The following PTPRN2 variants were observed in gnomAD, a reference collection of about 807,000 sequenced individuals.
PTPRN2 encodes the protein protein tyrosine phosphatase receptor type N2, also known as receptor-type tyrosine-protein phosphatase N2.
In PTPRN2, 74 loss-of-function variants were observed where a neutral mutation model predicts 118.8. The observed-to-expected ratio is 0.62, with a 90% CI of 0.52 to 0.76. The LOEUF (loss-of-function observed/expected upper bound fraction) is 0.76. PTPRN2 is among the 30% of genes least tolerant of loss of function. The pLI is 0.00. For synonymous variants in PTPRN2, 641 were observed against 608.0 expected (o/e 1.05, Z -0.80); for missense variants, 1,481 against 1,394.4 (o/e 1.06, Z -0.99).
chr7:157,656,572 G>C (rs1198029628), intron 13 of PTPRN2, 21 bp from the exon 14 acceptor site: 1 of 1,518,460 alleles, frequency 6.6e-7, no homozygotes, highest in Non-Finnish European at 8.8e-7. Flanking sequence ...GGGGGAGGAA[G>C]AGCAGGGGGT....
intron 12 of PTPRN2, among the ~76,000 whole-genome samples, chr7:157,708,744 T>C (rs1798454000): frequency 6.6e-6 from 1 of 152,196 alleles, no homozygotes; most frequent in Non-Finnish European, 1.5e-5. Context: ...GTGTGATTGA[T>C]AATGCTCTCC....
At chr7:157,758,100 C>T (rs1312834566) in intron 12 of PTPRN2, among the ~76,000 whole-genome samples, 4 of 152,216 alleles carry the variant, frequency 2.6e-5, no homozygotes, top group Admixed American at 1.3e-4. Flanking sequence ...GCGGGATTGA[C>T]GGAGCGGGAG....
intron 14 of PTPRN2, among the ~76,000 whole-genome samples, chr7:157,634,600 G>A (rs79901638): frequency 0.032 from 4,883 of 152,236 alleles, 125 homozygotes; most frequent in South Asian, 0.059. Flanking sequence ...AATGCATCGC[G>A]ACCGGGCATG....
chr7:158,546,127 T>C lies in PTPRN2; in HGVS notation c.112+41431A>G, dbSNP rs1373182527. Among the ~76,000 whole-genome samples, 1 of 152,136 alleles carries C rather than the reference T, an allele frequency of 6.6e-6. No individual in the cohort carries two copies. Among genetic ancestry groups the C allele is most frequent in the Non-Finnish European group, 1.5e-5 (1 of 68,028 alleles). On this transcript the variant is annotated intron_variant, in intron 1 of 22. Coordinates refer to ENST00000389418, the MANE Select transcript of PTPRN2 (RefSeq NM_002847.5). This position sits in a 1 kb window ranked among gnomAD's most constrained non-coding sequence, Gnocchi z 5.0. ...AACACGTGAGCCAGGTGAAGGGTCA[T>C]GCAGAAAAGCAGGACTGGGTGTGAG...
chr7:157,769,011 G>A (rs765763639), intron 12 of PTPRN2, among the ~76,000 whole-genome samples: 2 of 152,182 alleles, frequency 1.3e-5, no homozygotes, highest in African/African-American at 4.8e-5. Flanking sequence ...CAGGTTGCAC[G>A]TGCCAGTCAG....
chr7:157,736,457 G>A (rs965793340), intron 12 of PTPRN2, among the ~76,000 whole-genome samples: 24 of 152,150 alleles, frequency 1.6e-4, no homozygotes, highest in African/African-American at 5.6e-4. Flanking sequence ...GAGACACCCC[G>A]TGCCTGCACC....
chr7:158,000,477 C>A (rs1025878884), intron 11 of PTPRN2, among the ~76,000 whole-genome samples: 2 of 151,900 alleles, frequency 1.3e-5, no homozygotes, highest in Admixed American at 1.3e-4. Context: ...GCCCTGCACA[C>A]CTTTCCTTCT....
At chr7:158,287,761 CT>C (rs772996027) in intron 3 of PTPRN2, among the ~76,000 whole-genome samples, 5 of 152,050 alleles carry the variant, frequency 3.3e-5, no homozygotes, top group African/African-American at 1.2e-4. Context: ...AGAATGTTCT[CT>C]GTGTTTCAGA....
intron 12 of PTPRN2, among the ~76,000 whole-genome samples, chr7:157,684,381 GGGAGGGAGAGGGAAA>G (rs1216072974): frequency 1.3e-5 from 2 of 149,010 alleles, no homozygotes; most frequent in Non-Finnish European, 3.0e-5. Context: ...GAAGGAAAGG[GGGAGGGAGAGGGAAA>G]GGGGGGAGAG....
At chr7:158,586,758 G>T (rs912453275) in intron 1 of PTPRN2, among the ~76,000 whole-genome samples, 6 of 152,106 alleles carry the variant, frequency 3.9e-5, no homozygotes, top group South Asian at 2.1e-4. Flanking sequence ...CTGCCCGCGG[G>T]GGGGTGCGGG....
At chr7:157,854,766 G>C (rs1809557338) in intron 12 of PTPRN2, 1 of 153,468 alleles carries the variant, frequency 6.5e-6, no homozygotes, top group Non-Finnish European at 1.5e-5. Context: ...CCTGGGCGTT[G>C]TGGGAAGGGC....
At chr7:158,230,341 C>G (rs1829080966) in intron 3 of PTPRN2, among the ~76,000 whole-genome samples, 3 of 152,146 alleles carry the variant, frequency 2.0e-5, no homozygotes, top group Admixed American at 2.0e-4. Flanking sequence ...AAAGTAAGCA[C>G]TCAAACTAAC....
At chr7:158,323,040 C>G (rs1438553902) in intron 2 of PTPRN2, among the ~76,000 whole-genome samples, 2 of 152,206 alleles carry the variant, frequency 1.3e-5, no homozygotes, top group African/African-American at 4.8e-5. Flanking sequence ...CACATGCTAC[C>G]CAGCCCATGC....
intron 10 of PTPRN2, among the ~76,000 whole-genome samples, chr7:158,107,496 A>C (rs1171614794): frequency 6.6e-6 from 1 of 152,034 alleles, no homozygotes; most frequent in East Asian, 1.9e-4. Flanking sequence ...CAAACATCCC[A>C]GGCCACTCTG....
At chr7:158,441,261 A>ATGGCAGTGGTGGTGG (rs1817128539) in intron 2 of PTPRN2, among the ~76,000 whole-genome samples, 1 of 61,654 alleles carries the variant, frequency 1.6e-5, no homozygotes, top group African/African-American at 4.2e-5. Flanking sequence ...GGTGATGGTG[A>ATGGCAGTGGTGGTGG]TGGTGATAGT....
intron 3 of PTPRN2, among the ~76,000 whole-genome samples, chr7:158,288,843 T>C (rs1799929524): frequency 6.6e-6 from 1 of 152,220 alleles, no homozygotes; most frequent in African/African-American, 2.4e-5. Flanking sequence ...CTCTTTAGAA[T>C]TTCTTGTAGG....
chr7:158,210,371 G>A (rs990158678), intron 3 of PTPRN2, among the ~76,000 whole-genome samples: 7 of 151,950 alleles, frequency 4.6e-5, no homozygotes, highest in South Asian at 2.1e-4. Flanking sequence ...TCCTGACCTC[G>A]TGATCCGCCC....
At chr7:158,118,953 T>G (rs1484958052) in intron 9 of PTPRN2, among the ~76,000 whole-genome samples, 3 of 152,214 alleles carry the variant, frequency 2.0e-5, no homozygotes, top group Non-Finnish European at 4.4e-5. Flanking sequence ...TCCACCACTT[T>G]GGTCTCCCAA....
intron 13 of PTPRN2, among the ~76,000 whole-genome samples, chr7:157,672,791 T>C (rs1429785399): frequency 1.3e-5 from 2 of 152,232 alleles, no homozygotes; most frequent in Non-Finnish European, 2.9e-5. Context: ...AACCTGTATA[T>C]CAAATCCACA....
Sources: gnomAD v4.1 joint callset for allele counts (sites outside exome capture counted in the v4.1 genomes callset) on GRCh38, gnomAD v4.1.1 for gene constraint, Gnocchi (gnomAD v3.1) non-coding constraint, MANE v1.5 for transcripts, NCBI Gene and HGNC (gene_info 2026-07-23, HGNC 2026-07-21) for gene names.